Variants in RPL35 observed in about 807,000 individuals in gnomAD.
The protein encoded by RPL35 is large ribosomal subunit protein uL29.
RPL35 carries 2 observed loss-of-function variants against 15.6 expected under a neutral mutation model. That is an observed-to-expected ratio of 0.13 (90% CI 0.05 to 0.40). The LOEUF is 0.40. RPL35 is among the 10% of genes least tolerant of loss of function. RPL35 has a pLI of 0.99. For missense variants in RPL35, 111 were observed against 164.7 expected (o/e 0.67, Z 1.79); for synonymous variants, 93 against 67.9 (o/e 1.37, Z -1.82).
chr9:124,861,177 G>A, intron 2 of RPL35: 1 of 488,796 alleles, frequency 2.0e-6, no homozygotes, highest in East Asian at 3.6e-5. Flanking sequence ...GGAAGGAAGG[G>A]GTCCGGGTAG....
chr9:124,859,941 A>C (rs1262307295), intron 3 of RPL35, among the ~76,000 whole-genome samples: 1 of 152,190 alleles, frequency 6.6e-6, no homozygotes, highest in Non-Finnish European at 1.5e-5. Flanking sequence ...TCAAAAACTG[A>C]GTCTCCAGCC....
chr9:124,860,850 T>TC (rs934652919), intron 2 of RPL35: 11 of 158,384 alleles, frequency 6.9e-5, no homozygotes, highest in African/African-American at 2.4e-4. Flanking sequence ...ACCACCATTT[T>TC]TTTTTTTTGG....
intron 2 of RPL35, 113 bp from the exon 3 acceptor site, chr9:124,860,377 T>C: frequency 4.6e-6 from 4 of 873,418 alleles, no homozygotes; most frequent in Non-Finnish European, 7.7e-6. Flanking sequence ...CCCATCCATA[T>C]TCACTCAGGA....
intron 1 of RPL35, 149 bp downstream of exon 1, chr9:124,861,760 GA>G (rs1183143718): frequency 7.3e-5 from 98 of 1,333,404 alleles, no homozygotes; most frequent in Admixed American, 1.6e-4. Flanking sequence ...GGCGCCAAGC[GA>G]AGAGGCGGGT....
intron 3 of RPL35, 84 bp downstream of exon 3, chr9:124,860,099 A>G (rs1829172891): frequency 1.9e-6 from 2 of 1,031,478 alleles, no homozygotes; most frequent in Admixed American, 3.4e-5. Context: ...GCACCAAGAA[A>G]AACCTCTTTA....
intron 1 of RPL35, 28 bp downstream of exon 1, chr9:124,861,882 G>A: frequency 6.2e-7 from 1 of 1,602,368 alleles, no homozygotes. Flanking sequence ...CACAGCGCTC[G>A]GATGGCGCCC....
At chr9:124,861,010 G>T (rs1412391824) in intron 2 of RPL35, 1 of 167,978 alleles carries the variant, frequency 6.0e-6, no homozygotes, top group East Asian at 1.8e-4. Context: ...TTTTTTTTGA[G>T]AAGTGGACTT....
At chr9:124,861,794 G>T (rs1829202571) in intron 1 of RPL35, 116 bp downstream of exon 1, 1 of 1,420,288 alleles carries the variant, frequency 7.0e-7, no homozygotes, top group Non-Finnish European at 9.4e-7. Flanking sequence ...AGACCATTCT[G>T]CGCGGCGCCC....
intron 3 of RPL35, chr9:124,858,373 C>T (rs1202802463): frequency 3.1e-6 from 2 of 647,452 alleles, no homozygotes; most frequent in East Asian, 2.7e-5. Flanking sequence ...TTCCACTGCC[C>T]GATTCCCAGT....
chr9:124,858,153 G>C, intron 3 of RPL35, 86 bp from the exon 4 acceptor site: 1 of 1,413,290 alleles, frequency 7.1e-7, no homozygotes, highest in Non-Finnish European at 9.7e-7. Context: ...GGGCCATCCA[G>C]AGCCACTCAG....
rs563249308 is a variant in RPL35 at position 124,858,796 on chromosome 9, G to A, written c.223-729C>T. The stretch of plus-strand genomic sequence containing the variant: ...TGTGCTGGGAGCTGGCTTGGCAAAG[G>A]ATCTGACCCAGTCCCTGCTCAGGGG... On this transcript the variant is annotated intron_variant, in intron 3 of 3. Transcript: ENST00000348462. Among the ~76,000 whole-genome samples the A allele has an allele frequency of 5.9e-5, 9 of 152,342 alleles. 1 individual carries two copies. Among genetic ancestry groups the A allele is most frequent in the African/African-American group, 1.9e-4 (8 of 41,578 alleles).
rs543976879 is a variant in RPL35 at position 124,861,942 on chromosome 9, G to A, written c.-30C>T. 7.5e-6 allele frequency: 12 copies of A among 1,597,222 alleles called. No individual in the cohort carries two copies. Among genetic ancestry groups the A allele is most frequent in the Admixed American group, 5.1e-5 (3 of 58,354 alleles). ...GCACAAGCCGCCAACGCCGCCGCCC[G>A]CTCCGAGGGAAAGAGGAAGTAGGCG... is the stretch of plus-strand genomic sequence containing the variant. On this transcript the variant is annotated 5_prime_UTR_variant, in exon 1 of 4. Coordinates refer to ENST00000348462, the MANE Select transcript of RPL35 (RefSeq NM_007209.4).
At chr9:124,860,350 G>A in intron 2 of RPL35, 86 bp from the exon 3 acceptor site, 1 of 1,096,432 alleles carries the variant, frequency 9.1e-7, no homozygotes, top group Non-Finnish European at 1.4e-6. Context: ...AGCAATAGCT[G>A]CAGCCTCCCC....
intron 3 of RPL35, among the ~76,000 whole-genome samples, chr9:124,858,762 A>C (rs1381290425): frequency 6.6e-6 from 1 of 152,210 alleles, no homozygotes; most frequent in African/African-American, 2.4e-5. Flanking sequence ...CCCCTTCAGG[A>C]CTGGGCCCTG....
In RPL35 at chr9:124,858,034, T is replaced by C; in HGVS notation, c.256A>G (p.Lys86Glu). 6 of 1,612,518 alleles carry C rather than the reference T, an allele frequency of 3.7e-6. No homozygotes were observed. The highest frequency in any genetic ancestry group is 5.1e-6 in the Non-Finnish European group (6 of 1,180,024). The change falls in exon 4 of 4, where the codon AAG becomes GAG. Residue 86 changes from lysine to glutamate, a missense_variant. Lys to Glu is a moderately conservative substitution (Grantham distance 56). Coordinates refer to ENST00000348462, the MANE Select transcript of RPL35 (RefSeq NM_007209.4). The part of the protein sequence containing the change: ...KKYKPLDLRP[K>E]KTRAMRRRLN... ...CGGCGGCGCATGGCACGTGTCTTCT[T>C]AGGCCGCAGGTCCAGGGGCTTGTAC...
chr9:124,861,702 G>T, intron 1 of RPL35, 147 bp from the exon 2 acceptor site: 1 of 1,354,210 alleles, frequency 7.4e-7, no homozygotes, highest in Non-Finnish European at 1.0e-6. Context: ...TCCCTCGCCG[G>T]CCGTGCCTTG....
Position 124,861,472 on chromosome 9 carries a change from G to A in RPL35, c.87C>T (p.Ser29=). The change falls in exon 2 of 4, where the codon TCC becomes TCT. Residue 29 remains serine (S), a synonymous_variant. Coordinates refer to ENST00000348462, the MANE Select transcript of RPL35 (RefSeq NM_007209.4). ...CTGTCACTTTGGCGACGCGCAGCTG[G>A]GACAGCTCCACCTTCAGGTCGTCCA... ...KQLDDLKVEL[S]QLRVAKVTGG... is the part of the protein sequence containing the mutation. 6.2e-7 allele frequency: 1 copy of A among 1,613,856 alleles called. No individual in the cohort carries two copies. Among genetic ancestry groups the A allele is most frequent in the Non-Finnish European group, 8.5e-7 (1 of 1,179,960 alleles).
At chr9:124,861,121 C>T (rs1829190216) in intron 2 of RPL35, 1 of 376,392 alleles carries the variant, frequency 2.7e-6, no homozygotes, top group Non-Finnish European at 4.8e-6. Context: ...GGGTGCAAGC[C>T]ACCCACCTGC....
intron 1 of RPL35, 21 bp downstream of exon 1, chr9:124,861,889 G>A (rs1443345881): frequency 2.5e-6 from 4 of 1,602,322 alleles, no homozygotes; most frequent in East Asian, 2.3e-5. Context: ...CTCGGATGGC[G>A]CCCGATTCCG....
Sources: allele counts gnomAD v4.1 joint callset (sites outside exome capture counted in the v4.1 genomes callset), GRCh38; gene constraint gnomAD v4.1.1; transcripts MANE v1.5; gene names NCBI Gene and HGNC (gene_info 2026-07-23, HGNC 2026-07-21).